Variants in DENND1A observed in about 807,000 individuals in gnomAD.
DENND1A encodes DENN domain containing 1A, also known as DENN domain-containing protein 1A.
A neutral mutation model predicts 113.7 loss-of-function variants in DENND1A; 51 were observed. The ratio of observed to expected loss-of-function variants is 0.45; its 90% CI spans 0.36 to 0.57. DENND1A has a LOEUF of 0.57. Ranked by LOEUF, DENND1A falls within the 20% of genes least tolerant of loss-of-function variation. The pLI, the probability that DENND1A is intolerant of heterozygous loss-of-function variation, is 0.00. For missense variants in DENND1A, 1,258 were observed against 1,395.9 expected, an observed-to-expected ratio of 0.90 and a Z score of 1.57; for synonymous variants, 565 against 570.8, an observed-to-expected ratio of 0.99 and a Z score of 0.14.
In DENND1A at chr9:123,757,710, T is replaced by C; in HGVS notation, c.295A>G (p.Ile99Val). ...CCAAGCCTTCTCCCTTACCTTAAGA[T>C]ACAGAAGCAGCTCTTCGCTCCTGAA... ...LSSGAKSCFC[I>V]LSYLPWFEVF... The change falls in exon 5 of 24, where the codon ATC becomes GTC. Residue 99 changes from isoleucine to valine, a missense_variant. Physicochemically the swap from Ile to Val is conservative, Grantham distance 29. Coordinates refer to ENST00000394215, the MANE Select transcript of DENND1A (RefSeq NM_001352964.2). 1.2e-6 allele frequency: 2 copies of C among 1,613,988 alleles called. No homozygotes were observed. The highest frequency in any genetic ancestry group is 1.7e-6 in the Non-Finnish European group (2 of 1,179,952).
At chr9:123,388,339 TG>T (rs1329540345) in intron 21 of DENND1A, among the ~76,000 whole-genome samples, 1 of 152,178 alleles carries the variant, frequency 6.6e-6, no homozygotes, top group Non-Finnish European at 1.5e-5. Context: ...GAAAAAAGAC[TG>T]GAAAGGTTCA....
At chr9:123,511,007 T>C (rs1197780555) in intron 13 of DENND1A, among the ~76,000 whole-genome samples, 1 of 152,130 alleles carries the variant, frequency 6.6e-6, no homozygotes, top group Non-Finnish European at 1.5e-5. Flanking sequence ...AAAATGTTGC[T>C]TAGGAAAACA....
intron 13 of DENND1A, among the ~76,000 whole-genome samples, chr9:123,490,914 A>G (rs2051318114): frequency 1.3e-5 from 2 of 152,242 alleles, no homozygotes; most frequent in South Asian, 4.1e-4. Context: ...TGAATGCGAC[A>G]AGGCTGGAGT....
At chr9:123,619,494 G>A (rs2060831625) in intron 10 of DENND1A, among the ~76,000 whole-genome samples, 3 of 152,136 alleles carry the variant, frequency 2.0e-5, no homozygotes, top group South Asian at 4.1e-4. Context: ...ATCACAGCTC[G>A]TTGCAGCCTC....
At chr9:123,926,842 A>T (rs1857199288) in intron 1 of DENND1A, among the ~76,000 whole-genome samples, 1 of 152,064 alleles carries the variant, frequency 6.6e-6, no homozygotes, top group South Asian at 2.1e-4. Flanking sequence ...CCTTCCTCTC[A>T]AGAAGTTTAT....
intron 4 of DENND1A, among the ~76,000 whole-genome samples, chr9:123,760,952 G>A (rs1458788808): frequency 6.6e-6 from 1 of 152,104 alleles, no homozygotes; most frequent in African/African-American, 2.4e-5. Flanking sequence ...TTTAACTCAG[G>A]TTTTGATTTC....
chr9:123,671,165 C>A, intron 7 of DENND1A, 126 bp downstream of exon 7: 1 of 1,064,294 alleles, frequency 9.4e-7, no homozygotes, highest in Non-Finnish European at 1.4e-6. Flanking sequence ...TCAGAGGTCT[C>A]AGAGTATTTG....
Position 123,728,506 on chromosome 9 carries a change from A to AAAAAAAACAAAAAAAC in DENND1A, c.302+29196_302+29197insGTTTTTTTGTTTTTTT, listed in dbSNP as rs1564150268. On this transcript the variant is annotated intron_variant, in intron 5 of 23. Coordinates refer to ENST00000394215, the MANE Select transcript of DENND1A (RefSeq NM_001352964.2). Reference sequence around the variant, plus strand: ...AAAAAAAAAAAAAAAAAAAAAAAAAAAAAACAGGCATCAGTCATCTTTACC... The same window carrying AAAAAAAACAAAAAAAC: ...AAAAAAAAAAAAAAAAAAAAAAAAAAAAAAAAACAAAAAAACAAAACAGGCATCAGTCATCTTTACC... Among the ~76,000 whole-genome samples, 295 of 145,902 alleles carry AAAAAAAACAAAAAAAC rather than the reference A, an allele frequency of 2.0e-3. 4 individuals carry two copies. The highest frequency in any genetic ancestry group is 7.8e-3 in the African/African-American group (291 of 37,178).
At chr9:123,634,217 T>C (rs2061603741) in intron 9 of DENND1A, among the ~76,000 whole-genome samples, 1 of 152,184 alleles carries the variant, frequency 6.6e-6, no homozygotes, top group Non-Finnish European at 1.5e-5. Flanking sequence ...TACTTATCCT[T>C]CACAAAAAAA....
intron 10 of DENND1A, among the ~76,000 whole-genome samples, chr9:123,613,339 T>G (rs1032480362): frequency 6.6e-6 from 1 of 151,974 alleles, no homozygotes. Context: ...GGGTAAGCTA[T>G]TTAAAAAAAA....
chr9:123,915,828 CAT>C (rs1242365203), intron 1 of DENND1A, among the ~76,000 whole-genome samples: 1 of 152,026 alleles, frequency 6.6e-6, no homozygotes, highest in Non-Finnish European at 1.5e-5. Flanking sequence ...GATTCGTGAC[CAT>C]ATATGTTTGT....
intron 2 of DENND1A, among the ~76,000 whole-genome samples, chr9:123,870,656 C>T (rs1014251942): frequency 2.0e-5 from 3 of 151,962 alleles, no homozygotes; most frequent in South Asian, 2.1e-4. Flanking sequence ...AGGATGGTCT[C>T]GATCTCCTGA....
intron 2 of DENND1A, among the ~76,000 whole-genome samples, chr9:123,850,724 C>T (rs1297900386): frequency 1.3e-5 from 2 of 152,110 alleles, no homozygotes; most frequent in Non-Finnish European, 2.9e-5. Context: ...CAGTATCTAT[C>T]CCATAGGGTT....
intron 4 of DENND1A, among the ~76,000 whole-genome samples, chr9:123,762,819 G>C (rs1214624631): frequency 3.3e-5 from 5 of 152,194 alleles, no homozygotes; most frequent in Non-Finnish European, 7.3e-5. Flanking sequence ...AGCTTCTCAG[G>C]GATGGCAACA....
chr9:123,895,289 T>C, intron 1 of DENND1A, among the ~76,000 whole-genome samples: 1 of 152,058 alleles, frequency 6.6e-6, no homozygotes, highest in Admixed American at 6.6e-5. Flanking sequence ...TTTTTTTCCA[T>C]CTTCTCAGAT....
At chr9:123,476,122 TAC>T (rs1285197362) in intron 13 of DENND1A, among the ~76,000 whole-genome samples, 2 of 151,030 alleles carry the variant, frequency 1.3e-5, no homozygotes, top group African/African-American at 4.9e-5. Flanking sequence ...AGGTGGAGGC[TAC>T]AGTGAGCTGA....
At chr9:123,384,182 C>T (rs1431783276) in intron 22 of DENND1A, among the ~76,000 whole-genome samples, 1 of 152,234 alleles carries the variant, frequency 6.6e-6, no homozygotes, top group Non-Finnish European at 1.5e-5. Context: ...CCCCAAACTA[C>T]AGGTCCTTTC....
At chr9:123,735,722 G>A (rs1048477330) in intron 5 of DENND1A, among the ~76,000 whole-genome samples, 8 of 152,164 alleles carry the variant, frequency 5.3e-5, no homozygotes, top group African/African-American at 1.9e-4. Context: ...AGCTTGGCTG[G>A]GCGTGGTGGC....
chr9:123,655,457 T>A (rs1205770916), intron 8 of DENND1A, among the ~76,000 whole-genome samples: 1 of 151,956 alleles, frequency 6.6e-6, no homozygotes, highest in Non-Finnish European at 1.5e-5. Context: ...CTGAGCCAGA[T>A]GAAGCAATTG....
Sources: gnomAD v4.1 joint callset for allele counts (sites outside exome capture counted in the v4.1 genomes callset) on GRCh38, gnomAD v4.1.1 for gene constraint, MANE v1.5 for transcripts, NCBI Gene and HGNC (gene_info 2026-07-23, HGNC 2026-07-21) for gene names.